Variants in SCML4 observed in about 807,000 individuals in gnomAD.
SCML4 encodes the protein Scm polycomb group protein like 4, also known as sex comb on midleg-like protein 4.
Under a neutral mutation model 41.1 loss-of-function variants are expected in SCML4, and 34 were observed. The ratio of observed to expected loss-of-function variants is 0.83; its 90% confidence interval spans 0.63 to 1.10. SCML4 has a LOEUF of 1.10. Ranked by LOEUF, SCML4 falls within the 50% of genes least tolerant of loss-of-function variation. The pLI is 0.00. For missense variants in SCML4, 522 were observed against 534.1 expected, an observed-to-expected ratio of 0.98 and a Z score of 0.22; for synonymous variants, 214 against 220.9, an observed-to-expected ratio of 0.97 and a Z score of 0.28.
At chr6:107,776,495 A>C (rs1232123371) in intron 1 of SCML4, among the ~76,000 whole-genome samples, 1 of 152,204 alleles carries the variant, frequency 6.6e-6, no homozygotes, top group African/African-American at 2.4e-5. Context: ...TCTGCACTTT[A>C]TTGCCAACTC....
At chr6:107,765,191 G>T (rs1779933984) in intron 2 of SCML4, among the ~76,000 whole-genome samples, 1 of 152,162 alleles carries the variant, frequency 6.6e-6, no homozygotes, top group Non-Finnish European at 1.5e-5. Flanking sequence ...GTGTGATTGG[G>T]TGTCTTACAG....
intron 2 of SCML4, among the ~76,000 whole-genome samples, chr6:107,769,409 GT>G (rs1780335208): frequency 6.6e-6 from 1 of 152,198 alleles, no homozygotes; most frequent in African/African-American, 2.4e-5. Flanking sequence ...CACAGCCTGT[GT>G]TACATGTTCT....
At chr6:107,822,298 T>C (rs545014554) in intron 1 of SCML4, among the ~76,000 whole-genome samples, 5 of 152,282 alleles carry the variant, frequency 3.3e-5, no homozygotes, top group African/African-American at 1.2e-4. Flanking sequence ...CTGAGCTGCT[T>C]AGCTTACCTG....
chr6:107,802,798 A>G (rs891654692), intron 1 of SCML4, among the ~76,000 whole-genome samples: 5 of 148,650 alleles, frequency 3.4e-5, no homozygotes, highest in Non-Finnish European at 7.5e-5. Context: ...TGCCGAGCCA[A>G]AGCTGGACTG....
chr6:107,775,114 A>G (rs1403991237), intron 1 of SCML4, among the ~76,000 whole-genome samples: 1 of 152,196 alleles, frequency 6.6e-6, no homozygotes, highest in Non-Finnish European at 1.5e-5. Flanking sequence ...TAAACAGGCC[A>G]GTTCACTTCA....
At chr6:107,837,946 C>T in the SCML4 span, among the ~76,000 whole-genome samples, 23 of 134,996 alleles carry the variant, frequency 1.7e-4, no homozygotes, top group Middle Eastern at 4.8e-3. Flanking sequence ...TTTGCTCTGT[C>T]GCCCAGGTTG....
At chr6:107,838,503 G>C in the SCML4 span, among the ~76,000 whole-genome samples, 2 of 152,224 alleles carry the variant, frequency 1.3e-5, no homozygotes, top group Non-Finnish European at 2.9e-5. Flanking sequence ...TGATTCAGGA[G>C]TGTCTGAAAT....
chr6:107,795,705 C>A (rs1782657572), intron 1 of SCML4, among the ~76,000 whole-genome samples: 1 of 151,872 alleles, frequency 6.6e-6, no homozygotes, highest in African/African-American at 2.4e-5. Context: ...TTTTTTTTAT[C>A]TTTAGTAGAG....
intron 3 of SCML4, among the ~76,000 whole-genome samples, chr6:107,748,338 G>A (rs1455749672): frequency 6.6e-6 from 1 of 152,196 alleles, no homozygotes; most frequent in Non-Finnish European, 1.5e-5. Flanking sequence ...TTTAAGAGGA[G>A]ACCAGTGGCA....
chr6:107,832,706 T>C, the SCML4 span, among the ~76,000 whole-genome samples: 1 of 152,078 alleles, frequency 6.6e-6, no homozygotes, highest in African/African-American at 2.4e-5. Context: ...GAAGAGGAAT[T>C]GGTGCTAAAG....
intron 2 of SCML4, among the ~76,000 whole-genome samples, chr6:107,761,021 C>T (rs539288764): frequency 6.6e-6 from 1 of 151,804 alleles, no homozygotes; most frequent in Non-Finnish European, 1.5e-5. Context: ...TTAATGAGCT[C>T]GAAGATATGT....
At chr6:107,751,578 C>CTTTCTTTCTT (rs1554211170) in intron 2 of SCML4, among the ~76,000 whole-genome samples, 1 of 69,984 alleles carries the variant, frequency 1.4e-5, no homozygotes, top group East Asian at 3.3e-4. Context: ...AACAATCTTT[C>CTTTCTTTCTT]TTTCTTTCTT....
intron 2 of SCML4, among the ~76,000 whole-genome samples, chr6:107,753,690 G>A (rs1778878081): frequency 1.3e-5 from 2 of 152,072 alleles, no homozygotes; most frequent in South Asian, 4.1e-4. Context: ...TTGTTTTTGA[G>A]ATGGGAGAAA....
rs73525404 is a variant in SCML4, at chr6:107,772,168, G to A, written c.156+4C>T. 4.4e-3 allele frequency: 6,809 copies of A among 1,547,510 alleles called. 220 individuals are homozygous for A. In the African/African-American group the frequency reaches 0.073, roughly 17 times the overall value. On this transcript the variant is annotated splice_donor_region_variant and intron_variant, in intron 2 of 7. Coordinates refer to ENST00000369020, the MANE Select transcript of SCML4 (RefSeq NM_198081.5). ...CTTTGGAGAAGGAGATGATGGAGCC[G>A]TACCTTGTACCCGGGTTTCCGCCCT...
rs139341464 is a variant in SCML4, at chr6:107,809,600, G to A, written c.-60+14526C>T. On this transcript the variant is annotated intron_variant, in intron 1 of 7. Coordinates refer to ENST00000369020, the MANE Select transcript of SCML4 (RefSeq NM_198081.5). Reference sequence around the variant, plus strand: ...AAGGCATGGGGTAAGGAGAGTTTGGGATTCTAAAACTGTTATCTTGGATAG... The same window carrying A: ...AAGGCATGGGGTAAGGAGAGTTTGGAATTCTAAAACTGTTATCTTGGATAG... 3.3e-3 allele frequency among the ~76,000 whole-genome samples: 503 copies of A among 152,282 alleles called. 3 individuals are homozygous for A. Among genetic ancestry groups the A allele is most frequent in the East Asian group, 0.015 (76 of 5,180 alleles).
intron 6 of SCML4, among the ~76,000 whole-genome samples, chr6:107,713,718 C>G (rs1034777486): frequency 6.6e-6 from 1 of 152,198 alleles, no homozygotes; most frequent in Non-Finnish European, 1.5e-5. Flanking sequence ...TGCCTGTGAG[C>G]TGCCCAGGCC....
intron 1 of SCML4, among the ~76,000 whole-genome samples, chr6:107,787,774 C>T (rs1187839980): frequency 6.6e-6 from 1 of 152,150 alleles, no homozygotes; most frequent in East Asian, 1.9e-4. Context: ...ACCAGTCTTG[C>T]GGGGGTGGGG....
Position 107,703,757 on chromosome 6 carries a change from T to C in SCML4, c.*1443A>G, listed in dbSNP as rs1583347346. 6.6e-6 allele frequency among the ~76,000 whole-genome samples: 1 copy of C among 152,232 alleles called. No individual in the cohort carries two copies. Among genetic ancestry groups the C allele is most frequent in the South Asian group, 2.1e-4 (1 of 4,828 alleles). On this transcript the variant is annotated 3_prime_UTR_variant, in exon 8 of 8. Coordinates refer to ENST00000369020, the MANE Select transcript of SCML4 (RefSeq NM_198081.5). Reference sequence around the variant, plus strand: ...TTCACCTTTGGGCGAAGGGAGGCCCTGAGTCATCCCTAACCCTCTCCCTCC... The same window carrying C: ...TTCACCTTTGGGCGAAGGGAGGCCCCGAGTCATCCCTAACCCTCTCCCTCC...
intron 5 of SCML4, among the ~76,000 whole-genome samples, chr6:107,730,236 T>G (rs1457191051): frequency 6.6e-6 from 1 of 152,212 alleles, no homozygotes; most frequent in African/African-American, 2.4e-5. Context: ...GGCTGACTGG[T>G]GAGCAAACAC....
Sources: allele counts gnomAD v4.1 joint callset (sites outside exome capture counted in the v4.1 genomes callset), GRCh38; gene constraint gnomAD v4.1.1; transcripts MANE v1.5; gene names NCBI Gene and HGNC (gene_info 2026-07-23, HGNC 2026-07-21).